PLEK: variants seen among roughly 807,000 people sequenced by gnomAD.
The protein encoded by PLEK is pleckstrin, also known as platelet 47 kDa protein.
PLEK carries 25 observed loss-of-function variants against 43.9 expected under a neutral mutation model. That is an observed-to-expected ratio of 0.57 (90% CI 0.41 to 0.79). PLEK has a LOEUF of 0.79. Ranked by LOEUF, PLEK falls within the 30% of genes least tolerant of loss-of-function variation. The pLI is 0.00. For missense variants in PLEK, 396 were observed against 413.3 expected (o/e 0.96, Z 0.36); for synonymous variants, 152 against 144.4 (o/e 1.05, Z -0.38).
At chr2:68,394,295 G>A (rs34196827) in intron 8 of PLEK, 119 bp downstream of exon 8, 196,744 of 724,268 alleles carry the variant, frequency 0.27, 28,467 homozygotes, top group Middle Eastern at 0.32. Flanking sequence ...GAATGGGGCA[G>A]GCATGGTGGC....
intron 5 of PLEK, 57 bp from the exon 6 acceptor site, chr2:68,388,330 C>T: frequency 1.0e-6 from 1 of 988,924 alleles, no homozygotes; most frequent in Non-Finnish European, 1.6e-6. Flanking sequence ...GGAGATGGCA[C>T]AAGTTGCAAT....
intron 1 of PLEK, among the ~76,000 whole-genome samples, chr2:68,372,143 C>G (rs1673420801): frequency 6.6e-6 from 1 of 151,192 alleles, no homozygotes; most frequent in Non-Finnish European, 1.5e-5. Context: ...ATTTGCTTTT[C>G]AGTTGTTGCA....
intron 1 of PLEK, 82 bp downstream of exon 1, chr2:68,365,475 A>G (rs1673248268): frequency 1.9e-6 from 2 of 1,070,598 alleles, no homozygotes; most frequent in Admixed American, 1.7e-5. Flanking sequence ...CTACCTGCTC[A>G]TCTTAGGAAT....
At chr2:68,366,391 AC>A (rs1392523902) in intron 1 of PLEK, among the ~76,000 whole-genome samples, 1 of 152,160 alleles carries the variant, frequency 6.6e-6, no homozygotes, top group African/African-American at 2.4e-5. Context: ...GGCTGGAGGG[AC>A]CCTAGGTCAT....
intron 3 of PLEK, 94 bp downstream of exon 3, chr2:68,380,998 T>A (rs1448405662): frequency 9.5e-7 from 1 of 1,051,950 alleles, no homozygotes; most frequent in Non-Finnish European, 1.4e-6. Flanking sequence ...CCACCTCTGA[T>A]GTTGTATCCA....
chr2:68,368,626 T>C lies in PLEK; in HGVS notation c.42+3233T>C, dbSNP rs544646527. On this transcript the variant is annotated intron_variant, in intron 1 of 8. Coordinates refer to ENST00000234313, the MANE Select transcript of PLEK (RefSeq NM_002664.3). Reference sequence around the variant, plus strand: ...CTCCTTTCCTCTCTGTTTAGGGGGTTTCTTTCTGGCCAATAAACATGTTTG... The same window carrying C: ...CTCCTTTCCTCTCTGTTTAGGGGGTCTCTTTCTGGCCAATAAACATGTTTG... Among the ~76,000 whole-genome samples the C allele has an allele frequency of 4.3e-4, 65 of 152,356 alleles. 1 individual carries two copies. In the Middle Eastern group the frequency reaches 0.01, roughly 24 times the overall value.
intron 6 of PLEK, among the ~76,000 whole-genome samples, chr2:68,392,843 C>G (rs1673886969): frequency 6.6e-6 from 1 of 150,934 alleles, no homozygotes; most frequent in Admixed American, 6.6e-5. Context: ...ATCAGGGCAT[C>G]TTAAACCTCT....
At chr2:68,371,036 A>C (rs1260564442) in intron 1 of PLEK, among the ~76,000 whole-genome samples, 1 of 152,220 alleles carries the variant, frequency 6.6e-6, no homozygotes, top group Non-Finnish European at 1.5e-5. Flanking sequence ...AAGGGTTAGC[A>C]GGGACACCTG....
At chr2:68,387,638 G>A (rs1673773905) in intron 5 of PLEK, among the ~76,000 whole-genome samples, 1 of 152,114 alleles carries the variant, frequency 6.6e-6, no homozygotes, top group African/African-American at 2.4e-5. Context: ...GATTTCTTGG[G>A]GGATTTTGGC....
chr2:68,368,697 A>G (rs1822470), intron 1 of PLEK, among the ~76,000 whole-genome samples: 77,334 of 152,108 alleles, frequency 0.51, 20,820 homozygotes, highest in East Asian at 0.76. Context: ...GTTCATCATC[A>G]TAACTGGAAA....
rs1427360483 is a variant in PLEK, at chr2:68,369,653, T to TTATGTA, written c.42+4264_42+4269dup. On this transcript the variant is annotated intron_variant, in intron 1 of 8. Coordinates refer to ENST00000234313, the MANE Select transcript of PLEK (RefSeq NM_002664.3). ...CATGCTGGCCACTGTGGTGAATGCT[T>TTATGTA]TATGTATATTATCTCATTTAATCTT... is the stretch of plus-strand genomic sequence containing the variant. 2.6e-5 allele frequency among the ~76,000 whole-genome samples: 4 copies of TTATGTA among 152,256 alleles called. No individual in the cohort carries two copies. In the East Asian group the frequency reaches 7.7e-4, roughly 29 times the overall value.
chr2:68,383,155 G>A (rs1482948124), intron 4 of PLEK, among the ~76,000 whole-genome samples: 2 of 152,098 alleles, frequency 1.3e-5, no homozygotes, highest in Non-Finnish European at 2.9e-5. Flanking sequence ...ATAAAACCTT[G>A]GCTCAATAAC....
At chr2:68,378,501 T>C (rs1197202505) in intron 1 of PLEK, among the ~76,000 whole-genome samples, 1 of 152,162 alleles carries the variant, frequency 6.6e-6, no homozygotes, top group African/African-American at 2.4e-5. Flanking sequence ...CTCAGGGCCT[T>C]CAGCTTTCCC....
chr2:68,386,651 C>T lies in PLEK; in HGVS notation c.622C>T (p.Pro208Ser), dbSNP rs1428923934. Residue 208 changes from proline (P) to serine (S), a missense_variant, in exon 5 of 9, where the codon CCT (proline) becomes TCT (serine). Pro to Ser is a moderately conservative substitution (Grantham distance 74, BLOSUM62 -1). Coordinates refer to ENST00000234313, the MANE Select transcript of PLEK (RefSeq NM_002664.3). ...TGCAGTGGATGGAACTGCTGAAAAC[C>T]CTTTCCTGGACAACCCTGATGCCTT... ...KSAVDGTAEN[P>S]FLDNPDAFYY... The T allele has an allele frequency of 1.9e-6, 3 of 1,613,702 alleles. No individual in the cohort carries two copies. In the Admixed American group the frequency reaches 5.0e-5, roughly 27 times the overall value.
intron 1 of PLEK, among the ~76,000 whole-genome samples, chr2:68,368,187 T>G (rs1356965420): frequency 2.6e-5 from 4 of 152,160 alleles, no homozygotes; most frequent in Admixed American, 2.6e-4. Context: ...AAATACAAGA[T>G]TCTGTCATTT....
At chr2:68,379,159 T>G (rs973475830) in intron 1 of PLEK, among the ~76,000 whole-genome samples, 1 of 151,662 alleles carries the variant, frequency 6.6e-6, no homozygotes. Flanking sequence ...AAAATAAAAT[T>G]TAAAAAAAGA....
chr2:68,390,374 C>G (rs1673835601), intron 6 of PLEK, among the ~76,000 whole-genome samples: 1 of 152,184 alleles, frequency 6.6e-6, no homozygotes, highest in Admixed American at 6.5e-5. Flanking sequence ...AACCACTGAG[C>G]CAGCCTTTTT....
chr2:68,375,211 CTT>C (rs1269737623), intron 1 of PLEK, among the ~76,000 whole-genome samples: 1 of 152,144 alleles, frequency 6.6e-6, no homozygotes, highest in Non-Finnish European at 1.5e-5. Flanking sequence ...TCTTCTCTGA[CTT>C]TGAAAATGCT....
At chr2:68,394,215 A>C (rs1203822245) in intron 8 of PLEK, 39 bp downstream of exon 8, 13 of 1,170,724 alleles carry the variant, frequency 1.1e-5, no homozygotes, top group Non-Finnish European at 1.3e-6. Context: ...GGGTCTGCTC[A>C]GACTCCCCTC....
Sources: allele counts gnomAD v4.1 joint callset (sites outside exome capture counted in the v4.1 genomes callset), GRCh38; gene constraint gnomAD v4.1.1; transcripts MANE v1.5; gene names NCBI Gene and HGNC (gene_info 2026-07-23, HGNC 2026-07-21).